GABRB1: variants seen among roughly 807,000 people sequenced by gnomAD.
GABRB1 encodes the protein gamma-aminobutyric acid receptor subunit beta-1.
Under a neutral mutation model 51.6 loss-of-function variants are expected in GABRB1, and 17 were observed. The ratio of observed to expected loss-of-function variants is 0.33; its 90% CI spans 0.23 to 0.49. The LOEUF is 0.49. GABRB1 is among the 20% of genes least tolerant of loss of function. GABRB1 has a pLI of 0.99. For synonymous variants in GABRB1, 247 were observed against 218.9 expected (o/e 1.13, Z -1.14); for missense variants, 410 against 600.6 (o/e 0.68, Z 3.32).
At chr4:47,185,363 A>G (rs1410491485) in intron 4 of GABRB1, among the ~76,000 whole-genome samples, 9 of 151,772 alleles carry the variant, frequency 5.9e-5, no homozygotes, top group Non-Finnish European at 1.3e-4. Context: ...TTCCAAGTAA[A>G]TTTCTGATAG....
intron 4 of GABRB1, among the ~76,000 whole-genome samples, chr4:47,228,490 T>A (rs1721029307): frequency 6.6e-6 from 1 of 152,226 alleles, no homozygotes; most frequent in East Asian, 1.9e-4. Context: ...CAAGATGTAA[T>A]AATCTCTTTA....
chr4:47,099,740 T>A (rs1714640570), intron 3 of GABRB1, among the ~76,000 whole-genome samples: 1 of 151,956 alleles, frequency 6.6e-6, no homozygotes, highest in Non-Finnish European at 1.5e-5. Flanking sequence ...CACTGTAGTA[T>A]GAAAGCAGAA....
chr4:47,006,003 T>A (rs985768567), intron 1 of GABRB1, among the ~76,000 whole-genome samples: 6 of 151,636 alleles, frequency 4.0e-5, no homozygotes, highest in African/African-American at 1.5e-4. Context: ...TATTCTTTTT[T>A]TTTTCACATC....
At chr4:47,406,157 GAC>G (rs1560372209) in intron 7 of GABRB1, among the ~76,000 whole-genome samples, 1 of 152,150 alleles carries the variant, frequency 6.6e-6, no homozygotes, top group Non-Finnish European at 1.5e-5. Context: ...TGCTAAGAAT[GAC>G]ACACAATCAT....
At chr4:47,319,863 C>T (rs1366163472) in intron 4 of GABRB1, among the ~76,000 whole-genome samples, 1 of 152,038 alleles carries the variant, frequency 6.6e-6, no homozygotes, top group African/African-American at 2.4e-5. Flanking sequence ...TCTCCTTGTT[C>T]GTTATTGGTT....
At chr4:47,258,357 A>G (rs1397314576) in intron 4 of GABRB1, among the ~76,000 whole-genome samples, 1 of 152,116 alleles carries the variant, frequency 6.6e-6, no homozygotes, top group Non-Finnish European at 1.5e-5. Context: ...ACAAACCACA[A>G]ATCCCTGAGC....
At chr4:47,269,740 G>A (rs1039289801) in intron 4 of GABRB1, among the ~76,000 whole-genome samples, 1 of 151,822 alleles carries the variant, frequency 6.6e-6, no homozygotes, top group African/African-American at 2.4e-5. Flanking sequence ...GATACACTAT[G>A]TACATGTATT....
chr4:47,080,582 T>C (rs1560524987), intron 3 of GABRB1, among the ~76,000 whole-genome samples: 1 of 152,168 alleles, frequency 6.6e-6, no homozygotes. Flanking sequence ...AATTACTTTA[T>C]TATGTCTATT....
intron 3 of GABRB1, among the ~76,000 whole-genome samples, chr4:47,071,162 T>G (rs1242636916): frequency 6.6e-6 from 1 of 152,206 alleles, no homozygotes; most frequent in African/African-American, 2.4e-5. Context: ...ACGCTTTGCC[T>G]TCTTACTATA....
intron 4 of GABRB1, among the ~76,000 whole-genome samples, chr4:47,192,222 G>T (rs539071043): frequency 3.3e-5 from 5 of 151,856 alleles, no homozygotes; most frequent in Non-Finnish European, 7.4e-5. Flanking sequence ...TCAGCCTAGT[G>T]GGAAATGGTG....
At chr4:47,377,189 G>T (rs1727414698) in intron 5 of GABRB1, among the ~76,000 whole-genome samples, 1 of 152,144 alleles carries the variant, frequency 6.6e-6, no homozygotes, top group South Asian at 2.1e-4. Flanking sequence ...TGTTGCCCAG[G>T]CTGGAGTGCA....
At chr4:47,014,310 C>A (rs540267755) in intron 1 of GABRB1, among the ~76,000 whole-genome samples, 2 of 152,262 alleles carry the variant, frequency 1.3e-5, no homozygotes, top group South Asian at 4.1e-4. Context: ...ACACTTGCAG[C>A]TAGCTATTCT....
At chr4:47,055,932 A>C (rs542839185) in intron 3 of GABRB1, among the ~76,000 whole-genome samples, 1 of 152,206 alleles carries the variant, frequency 6.6e-6, no homozygotes, top group Non-Finnish European at 1.5e-5. Flanking sequence ...CTCTTACAAA[A>C]TGCAAAGGCT....
At chr4:47,194,151 A>G (rs1477906982) in intron 4 of GABRB1, among the ~76,000 whole-genome samples, 1 of 152,164 alleles carries the variant, frequency 6.6e-6, no homozygotes, top group East Asian at 1.9e-4. Context: ...CAAAACTCAT[A>G]TCAAGCTGAT....
chr4:47,387,324 A>C (rs926927073), intron 5 of GABRB1, among the ~76,000 whole-genome samples: 2 of 151,884 alleles, frequency 1.3e-5, no homozygotes, highest in African/African-American at 2.4e-5. Flanking sequence ...AGATGGCCTA[A>C]TTTTTTTTAT....
rs552045101 is a variant in GABRB1 at position 47,407,075 on chromosome 4, T to C, written c.1080+149T>C. The C allele has an allele frequency of 4.0e-4, 330 of 820,236 alleles. 4 individuals carry two copies. The South Asian group carries it at 6.0e-3, about 15-fold the overall frequency. The allele number at this position is 820,236 out of a possible 1,614,324, so 50.8% of individuals were successfully genotyped here. A position where few individuals can be genotyped will look rare whatever the true frequency, so the allele number is the denominator to read the frequency against. ...GCCTTCATTTTACATATTCAGGGAC[T>C]GAGGAATGAAGAAGTTAGATTGAGG... On this transcript the variant is annotated intron_variant, in intron 8 of 8. Coordinates refer to ENST00000295454, the MANE Select transcript of GABRB1 (RefSeq NM_000812.4).
intron 4 of GABRB1, among the ~76,000 whole-genome samples, chr4:47,206,788 C>G (rs1224504909): frequency 1.3e-5 from 2 of 151,490 alleles, no homozygotes; most frequent in African/African-American, 4.8e-5. Context: ...CATTTTTGTA[C>G]AGCTAGAGAA....
intron 3 of GABRB1, among the ~76,000 whole-genome samples, chr4:47,132,278 G>GATACCATA (rs1213182798): frequency 6.6e-6 from 1 of 152,072 alleles, no homozygotes; most frequent in Non-Finnish European, 1.5e-5. Flanking sequence ...TGATGTGAGA[G>GATACCATA]ATACCATAAT....
At chr4:47,356,566 G>T (rs1336288579) in intron 5 of GABRB1, among the ~76,000 whole-genome samples, 1 of 152,132 alleles carries the variant, frequency 6.6e-6, no homozygotes, top group African/African-American at 2.4e-5. Context: ...CTGAGTTTAG[G>T]GTTTGGAAAG....
Sources: allele counts gnomAD v4.1 joint callset (sites outside exome capture counted in the v4.1 genomes callset), GRCh38; gene constraint gnomAD v4.1.1; transcripts MANE v1.5; gene names NCBI Gene and HGNC (gene_info 2026-07-23, HGNC 2026-07-21).